Variants in SHC4 observed in about 807,000 individuals in gnomAD.
SHC4 encodes SHC-transforming protein 4.
SHC4 carries 41 observed loss-of-function variants against 69.4 expected under a neutral mutation model. That is an observed-to-expected ratio of 0.59 (90% CI 0.46 to 0.77). SHC4 has a LOEUF of 0.77. Among genes scored for constraint, SHC4 ranks in the 30% least tolerant of loss-of-function variants. SHC4 has a pLI of 0.00. For synonymous variants in SHC4, 318 were observed against 299.3 expected (o/e 1.06, Z -0.64); for missense variants, 777 against 783.8 (o/e 0.99, Z 0.10).
chr15:48,924,180 A>G (rs1382372264), intron 2 of SHC4, among the ~76,000 whole-genome samples: 1 of 152,096 alleles, frequency 6.6e-6, no homozygotes, highest in African/African-American at 2.4e-5. Flanking sequence ...ATGGATGCCC[A>G]AGTCTTCATT....
chr15:48,923,668 G>A (rs1161519429), intron 2 of SHC4, among the ~76,000 whole-genome samples: 1 of 142,140 alleles, frequency 7.0e-6, no homozygotes, highest in Non-Finnish European at 1.5e-5. Context: ...ATGAGTCAGG[G>A]TCTTGCTGTC....
At position 48,962,492 on chromosome 15, in the gene SHC4, C is replaced by G. The variant is rs199533304; in HGVS notation, c.524G>C (p.Ser175Thr). 8 of 1,557,142 alleles carry G rather than the reference C, an allele frequency of 5.1e-6. No individual in the cohort carries two copies. The Admixed American group carries it at 1.3e-4, about 26-fold the overall frequency. The change falls in exon 1 of 12, where the codon AGC becomes ACC. Residue 175 changes from serine to threonine, a missense_variant. Transcript: ENST00000332408. ...LPGPGEPTLRSRQDRHFLQHL... is the reference protein window; with the variant it reads ...LPGPGEPTLRTRQDRHFLQHL... ...CTGTAGAAAGTGCCTGTCCTGCCTG[C>G]TCCTAAGTGTTGGCTCCCCAGGGCC...
chr15:48,859,309 GTGT>G (rs1567054653), intron 6 of SHC4, among the ~76,000 whole-genome samples: 13 of 40,404 alleles, frequency 3.2e-4, no homozygotes, highest in African/African-American at 4.4e-4. Context: ...TGAAAGGGGT[GTGT>G]GTGTGTGTGT....
chr15:48,936,499 C>T (rs551219318), intron 1 of SHC4, among the ~76,000 whole-genome samples: 1 of 152,110 alleles, frequency 6.6e-6, no homozygotes, highest in Non-Finnish European at 1.5e-5. Context: ...GAGAGAGTCT[C>T]CATTGTCTCC....
intron 11 of SHC4, among the ~76,000 whole-genome samples, chr15:48,832,208 G>A (rs1898817514): frequency 6.6e-6 from 1 of 152,160 alleles, no homozygotes. Flanking sequence ...GGAGGCAGAG[G>A]TTGCAGTGAA....
chr15:48,877,896 G>A (rs1024904286), intron 4 of SHC4: 2 of 336,202 alleles, frequency 5.9e-6, no homozygotes, highest in Non-Finnish European at 1.1e-5. Flanking sequence ...AGCAGCAGTA[G>A]GGTTAAGTAA....
chr15:48,890,959 A>G, intron 2 of SHC4, 148 bp from the exon 3 acceptor site: 1 of 844,984 alleles, frequency 1.2e-6, no homozygotes, highest in Non-Finnish European at 1.9e-6. Context: ...GCCCCACAGG[A>G]GGAAATGCTG....
intron 3 of SHC4, among the ~76,000 whole-genome samples, chr15:48,890,499 T>C (rs1327362629): frequency 6.6e-6 from 1 of 152,158 alleles, no homozygotes; most frequent in Non-Finnish European, 1.5e-5. Flanking sequence ...TCTGGCACCC[T>C]ACATTTCTGA....
At chr15:48,849,817 A>G (rs1021234886) in intron 9 of SHC4, among the ~76,000 whole-genome samples, 2 of 152,254 alleles carry the variant, frequency 1.3e-5, no homozygotes, top group Non-Finnish European at 2.9e-5. Flanking sequence ...TAGTAATATT[A>G]TTAAAGATTG....
At chr15:48,956,605 T>C (rs1330741198) in intron 1 of SHC4, among the ~76,000 whole-genome samples, 1 of 151,716 alleles carries the variant, frequency 6.6e-6, no homozygotes, top group Non-Finnish European at 1.5e-5. Flanking sequence ...TAGCCCACCC[T>C]TCACCCCTCC....
At chr15:48,867,911 T>C (rs754251288) in intron 5 of SHC4, 42 bp from the exon 6 acceptor site, 1 of 1,504,436 alleles carries the variant, frequency 6.6e-7, no homozygotes, top group African/African-American at 1.4e-5. Flanking sequence ...ATGGATGAAC[T>C]GTACTGTTGA....
Position 48,892,859 on chromosome 15 carries a change from G to A in SHC4, c.657-2048C>T, listed in dbSNP as rs866313466. On this transcript the variant is annotated intron_variant, in intron 2 of 11. Transcript: ENST00000332408. ...GCCTGGGCAAAAAGAGCAAAACTCCGTCTCAAAAAAAAAAAAAAAAAAGTT... is the reference window on the plus strand; with the variant it reads ...GCCTGGGCAAAAAGAGCAAAACTCCATCTCAAAAAAAAAAAAAAAAAAGTT... Among the ~76,000 whole-genome samples, 42 of 110,356 alleles carry A rather than the reference G, an allele frequency of 3.8e-4. 1 individual carries two copies. Among genetic ancestry groups the A allele is most frequent in the African/African-American group, 1.3e-3 (34 of 26,418 alleles). The allele number at this position is 110,356 out of a possible 152,430, so 72.4% of individuals were successfully genotyped here.
At chr15:48,910,838 G>A (rs982336068) in intron 2 of SHC4, among the ~76,000 whole-genome samples, 1 of 152,170 alleles carries the variant, frequency 6.6e-6, no homozygotes, top group Non-Finnish European at 1.5e-5. Context: ...GCTCATGCAA[G>A]AGCAGGTTAT....
intron 2 of SHC4, among the ~76,000 whole-genome samples, chr15:48,913,141 TG>T (rs896056967): frequency 4.0e-5 from 6 of 150,450 alleles, no homozygotes; most frequent in African/African-American, 9.8e-5. Flanking sequence ...CCTTAGTGTG[TG>T]GGGTCCTAGA....
chr15:48,899,657 AT>A (rs995437589), intron 2 of SHC4, among the ~76,000 whole-genome samples: 4 of 151,504 alleles, frequency 2.6e-5, no homozygotes, highest in South Asian at 4.2e-4. Flanking sequence ...TGGGAATTCC[AT>A]TTTTTTAAAT....
chr15:48,951,768 T>A (rs1242295831), intron 1 of SHC4, among the ~76,000 whole-genome samples: 1 of 152,192 alleles, frequency 6.6e-6, no homozygotes, highest in African/African-American at 2.4e-5. Flanking sequence ...TCTCTAATTA[T>A]CTCAAATGGA....
intron 3 of SHC4, among the ~76,000 whole-genome samples, chr15:48,884,738 G>T (rs577008745): frequency 6.6e-6 from 1 of 152,132 alleles, no homozygotes; most frequent in Non-Finnish European, 1.5e-5. Flanking sequence ...ACAATCCACT[G>T]AATCTAATGC....
intron 9 of SHC4, 36 bp from the exon 10 acceptor site, chr15:48,843,624 T>A: frequency 6.4e-7 from 1 of 1,560,666 alleles, no homozygotes; most frequent in Non-Finnish European, 8.7e-7. Flanking sequence ...CATTATGTTT[T>A]TTCTTTGTAA....
chr15:48,898,408 T>G (rs1900261840), intron 2 of SHC4, among the ~76,000 whole-genome samples: 1 of 152,218 alleles, frequency 6.6e-6, no homozygotes, highest in African/African-American at 2.4e-5. Flanking sequence ...ATCCTTTCAC[T>G]TTAGAAACAG....
Sources: allele counts gnomAD v4.1 joint callset (sites outside exome capture counted in the v4.1 genomes callset), GRCh38; gene constraint gnomAD v4.1.1; transcripts MANE v1.5; gene names NCBI Gene and HGNC (gene_info 2026-07-23, HGNC 2026-07-21).